MANBA: variants seen among roughly 807,000 people sequenced by gnomAD.
MANBA encodes beta-mannosidase.
Under a neutral mutation model 111.1 loss-of-function variants are expected in MANBA, and 83 were observed. The observed-to-expected ratio is 0.75, with a 90% CI of 0.63 to 0.90. The LOEUF (loss-of-function observed/expected upper bound fraction) is 0.90. MANBA is among the 40% of genes least tolerant of loss of function. The probability of loss-of-function intolerance (pLI) is 0.00; values close to 1 mark genes in which losing one functional copy is unlikely to be tolerated. For synonymous variants in MANBA, 370 were observed against 378.7 expected, an observed-to-expected ratio of 0.98 and a Z score of 0.27; for missense variants, 1,036 against 1,069.0, an observed-to-expected ratio of 0.97 and a Z score of 0.43.
At chr4:102,727,674 T>G in intron 1 of MANBA, 1 of 1,343,884 alleles carries the variant, frequency 7.4e-7, no homozygotes. Flanking sequence ...GAACGCAGTC[T>G]CAGCAGAATC....
rs760328434 is a variant in MANBA, at chr4:102,668,967, T to C, written c.1313A>G (p.Tyr438Cys). Residue 438 changes from tyrosine (Y) to cysteine (C), a missense_variant, in exon 10 of 17, where the codon TAC (tyrosine) becomes TGC (cysteine). Tyr to Cys is a radical substitution (Grantham distance 194). Coordinates refer to ENST00000647097, the MANE Select transcript of MANBA (RefSeq NM_005908.4). ...FLDSVTAEVA[Y>C]QIKRLKSHPS... is the part of the protein sequence containing the mutation. ...CTTGGAAGGGTAGTAACATACCTGGTAGGCAACTTCTGCTGTCACTGAATC... is the reference window on the plus strand; with the variant it reads ...CTTGGAAGGGTAGTAACATACCTGGCAGGCAACTTCTGCTGTCACTGAATC... The C allele has an allele frequency of 1.9e-6, 3 of 1,610,164 alleles. No individual in the cohort carries two copies. Among genetic ancestry groups the C allele is most frequent in the Non-Finnish European group, 8.5e-7 (1 of 1,176,728 alleles).
At chr4:102,708,742 C>T (rs1030187346) in intron 5 of MANBA, among the ~76,000 whole-genome samples, 2 of 151,520 alleles carry the variant, frequency 1.3e-5, no homozygotes, top group East Asian at 3.9e-4. Context: ...GATTGATAAA[C>T]CCCTATGTAG....
At chr4:102,680,569 T>C (rs913090474) in intron 7 of MANBA, among the ~76,000 whole-genome samples, 8 of 151,030 alleles carry the variant, frequency 5.3e-5, no homozygotes, top group Admixed American at 2.0e-4. Context: ...TGAATACAAT[T>C]TGTCCAAAGT....
At chr4:102,643,373 G>A (rs2110196864) in intron 13 of MANBA, among the ~76,000 whole-genome samples, 1 of 152,194 alleles carries the variant, frequency 6.6e-6, no homozygotes, top group Middle Eastern at 3.4e-3. Flanking sequence ...ACAGGTTTTT[G>A]CATGAACATA....
At chr4:102,727,853 C>T (rs1722869442) in intron 1 of MANBA, 1 of 591,372 alleles carries the variant, frequency 1.7e-6, no homozygotes, top group Admixed American at 2.5e-5. Flanking sequence ...ACTCAGGTCT[C>T]CTAAAGATGA....
chr4:102,718,930 T>C (rs1001776359), intron 4 of MANBA, among the ~76,000 whole-genome samples: 1 of 152,162 alleles, frequency 6.6e-6, no homozygotes, highest in Non-Finnish European at 1.5e-5. Context: ...AAAGATCACA[T>C]GCTTCAAAGG....
intron 13 of MANBA, among the ~76,000 whole-genome samples, chr4:102,649,284 T>C (rs567375193): frequency 3.3e-5 from 5 of 152,212 alleles, no homozygotes; most frequent in Non-Finnish European, 5.9e-5. Flanking sequence ...GCAGAAATGC[T>C]GATTCAAAAG....
Position 102,760,714 on chromosome 4 carries a change from A to G in MANBA, c.177+4T>C, listed in dbSNP as rs755493385. 2.0e-6 allele frequency: 3 copies of G among 1,532,972 alleles called. No homozygotes were observed. The Admixed American group carries it at 5.9e-5, about 30-fold the overall frequency. The allele number at this position is 1,532,972 out of a possible 1,614,324, so 95.0% of individuals were successfully genotyped here. ...GCTCGCCGCGGGTCGGCCGCACGCCATACCTGGATCAGGCCCTGCTGGAAC... is the reference window on the plus strand; with the variant it reads ...GCTCGCCGCGGGTCGGCCGCACGCCGTACCTGGATCAGGCCCTGCTGGAAC... On this transcript the variant is annotated splice_donor_region_variant and intron_variant, in intron 1 of 16. Coordinates refer to ENST00000647097, the MANE Select transcript of MANBA (RefSeq NM_005908.4).
In MANBA at chr4:102,695,186, C is replaced by A. The variant is rs553724028; in HGVS notation, c.674-4415G>T. Among the ~76,000 whole-genome samples, 4 of 152,198 alleles carry A rather than the reference C, an allele frequency of 2.6e-5. No individual in the cohort carries two copies. In the South Asian group the frequency reaches 8.3e-4, roughly 32 times the overall value. The stretch of plus-strand genomic sequence containing the variant: ...TGTCCAGTACATCAGCCTTCAAAAT[C>A]TTCTCAAATACGCCAGCTTCCTCTT... On this transcript the variant is annotated intron_variant, in intron 5 of 16. Coordinates refer to ENST00000647097, the MANE Select transcript of MANBA (RefSeq NM_005908.4).
intron 9 of MANBA, among the ~76,000 whole-genome samples, chr4:102,669,257 C>A (rs1457245403): frequency 6.6e-6 from 1 of 152,024 alleles, no homozygotes; most frequent in East Asian, 1.9e-4. Context: ...TGCACAAAAT[C>A]TGAGAAGAGA....
intron 1 of MANBA, among the ~76,000 whole-genome samples, chr4:102,760,134 T>G (rs1724184089): frequency 6.6e-6 from 1 of 151,938 alleles, no homozygotes; most frequent in Non-Finnish European, 1.5e-5. Flanking sequence ...AATAGCACCT[T>G]TCTTCATCAC....
At chr4:102,745,060 C>T (rs148195893) in intron 1 of MANBA, among the ~76,000 whole-genome samples, 2 of 152,210 alleles carry the variant, frequency 1.3e-5, no homozygotes, top group African/African-American at 4.8e-5. Flanking sequence ...GTAAGTCAGA[C>T]CTGAGCTAAA....
At chr4:102,641,909 C>T (rs1352843225) in intron 13 of MANBA, among the ~76,000 whole-genome samples, 2 of 151,006 alleles carry the variant, frequency 1.3e-5, no homozygotes, top group East Asian at 3.9e-4. Context: ...CTAGTAGCCT[C>T]TCTTACAGGA....
intron 12 of MANBA, among the ~76,000 whole-genome samples, chr4:102,657,442 C>A (rs941279857): frequency 2.1e-4 from 32 of 152,178 alleles, no homozygotes; most frequent in Admixed American, 1.6e-3. Flanking sequence ...GATAATAAGT[C>A]AGGCTTAAGC....
At chr4:102,729,892 G>T in intron 1 of MANBA, 1 of 1,528,826 alleles carries the variant, frequency 6.5e-7, no homozygotes, top group Non-Finnish European at 9.1e-7. Flanking sequence ...GTCTTGATCT[G>T]CTGCTTCTCC....
chr4:102,664,319 A>C (rs1223772765), intron 11 of MANBA, among the ~76,000 whole-genome samples: 2 of 151,990 alleles, frequency 1.3e-5, no homozygotes, highest in African/African-American at 4.8e-5. Context: ...ATACTATACC[A>C]GTATTCAAAC....
rs928200469 is a variant in MANBA, at chr4:102,635,561, C to A, written c.2157+304G>T. ...TCCAGCCTCTCACAATTATAAATAA[C>A]CTTGCATTTAAGGGGCACATTATAG... On this transcript the variant is annotated intron_variant, in intron 15 of 16. Coordinates refer to ENST00000647097, the MANE Select transcript of MANBA (RefSeq NM_005908.4). Among the ~76,000 whole-genome samples the A allele has an allele frequency of 2.0e-5, 3 of 152,142 alleles. No homozygotes were observed. The South Asian group carries it at 6.2e-4, about 32-fold the overall frequency.
Position 102,760,884 on chromosome 4 carries a change from T to G in MANBA, c.11A>C (p.His4Pro). 6.4e-7 allele frequency: 1 copy of G among 1,567,302 alleles called. No homozygotes were observed. The highest frequency in any genetic ancestry group is 1.2e-5 in the South Asian group (1 of 85,680). MRL[H>P]LLLLLALCGA... The stretch of plus-strand genomic sequence containing the variant: ...GCACAGCGCGAGCAGCAGGAGCAGG[T>G]GGAGGCGCATCTTGAGATCCCGCGC... The change falls in exon 1 of 17, where the codon CAC becomes CCC. Residue 4 changes from histidine to proline, a missense_variant. Transcript: ENST00000647097.
chr4:102,735,007 C>A (rs1185775014), intron 1 of MANBA, among the ~76,000 whole-genome samples: 2 of 152,202 alleles, frequency 1.3e-5, no homozygotes, highest in African/African-American at 2.4e-5. Context: ...CCACCCTCTC[C>A]CATTATTTGT....
Sources: allele counts gnomAD v4.1 joint callset (sites outside exome capture counted in the v4.1 genomes callset), GRCh38; gene constraint gnomAD v4.1.1; transcripts MANE v1.5; gene names NCBI Gene and HGNC (gene_info 2026-07-23, HGNC 2026-07-21).